The following METTL15 variants were observed in gnomAD, a reference collection of about 807,000 sequenced individuals.
The protein encoded by METTL15 is 12S rRNA N(4)-cytidine methyltransferase METTL15.
METTL15 carries 34 observed loss-of-function variants against 38.3 expected under a neutral mutation model. The observed-to-expected ratio is 0.89, with a 90% CI of 0.68 to 1.18. METTL15 has a LOEUF of 1.18. Ranked by LOEUF, METTL15 falls within the 50% of genes most tolerant of loss-of-function variation. METTL15 has a pLI of 0.00. For synonymous variants in METTL15, 162 were observed against 170.9 expected, an observed-to-expected ratio of 0.95 and a Z score of 0.41; for missense variants, 438 against 498.4, an observed-to-expected ratio of 0.88 and a Z score of 1.15.
intron 4 of METTL15, among the ~76,000 whole-genome samples, chr11:28,237,697 C>T (rs925664043): frequency 6.6e-6 from 1 of 152,150 alleles, no homozygotes; most frequent in Non-Finnish European, 1.5e-5. Flanking sequence ...AGAGTTTCCA[C>T]TTTTTCTGCT....
chr11:28,444,086 T>C (rs1311132101), intron 6 of METTL15, among the ~76,000 whole-genome samples: 1 of 152,200 alleles, frequency 6.6e-6, no homozygotes, highest in Admixed American at 6.5e-5. Flanking sequence ...TACACCATGA[T>C]TTGTTTATGC....
chr11:28,339,208 A>G lies in METTL15; in HGVS notation c.*190-12882A>G, dbSNP rs893781374. ...TTCTAGTTCTAAAATAATTTCTGTA[A>G]TTGTTCATATTTATTGTCTATCACT... On this transcript the variant is annotated intron_variant and NMD_transcript_variant, in intron 3 of 7. Transcript: ENST00000532947. Among the ~76,000 whole-genome samples, 6 of 152,074 alleles carry G rather than the reference A, an allele frequency of 3.9e-5. No homozygotes were observed. In the East Asian group the frequency reaches 9.6e-4, roughly 24 times the overall value.
At chr11:28,112,847 T>C (rs1851774666) in intron 2 of METTL15, among the ~76,000 whole-genome samples, 1 of 152,154 alleles carries the variant, frequency 6.6e-6, no homozygotes, top group South Asian at 2.1e-4. Context: ...GAATTTAGCA[T>C]TGTGAGAAAA....
At chr11:28,266,532 C>T (rs1855425915) in intron 4 of METTL15, among the ~76,000 whole-genome samples, 1 of 152,182 alleles carries the variant, frequency 6.6e-6, no homozygotes, top group South Asian at 2.1e-4. Flanking sequence ...TACTTATCTA[C>T]CGCTTTTCTC....
chr11:28,322,289 C>T (rs1335543487), intron 6 of METTL15, among the ~76,000 whole-genome samples: 1 of 151,860 alleles, frequency 6.6e-6, no homozygotes, highest in Admixed American at 6.6e-5. Flanking sequence ...GGTTAATATC[C>T]TTATTTTATA....
At chr11:28,310,898 GCTGCTGCTGCTGCTGC>G in intron 6 of METTL15, among the ~76,000 whole-genome samples, 2 of 96,158 alleles carry the variant, frequency 2.1e-5, no homozygotes, top group Non-Finnish European at 4.7e-5. Flanking sequence ...TGCTGCTGCT[GCTGCTGCTGCTGCTGC>G]TGGTGGTGGT....
chr11:28,225,565 TG>T (rs1183085100), intron 4 of METTL15, among the ~76,000 whole-genome samples: 1 of 151,782 alleles, frequency 6.6e-6, no homozygotes, highest in Non-Finnish European at 1.5e-5. Context: ...TTTTTATTTC[TG>T]TTTCTTGGAA....
At chr11:28,479,097 TTGCTTTTGTAATGTTATAAAATTCCA>T (rs1323061723) in intron 6 of METTL15, among the ~76,000 whole-genome samples, 13 of 147,542 alleles carry the variant, frequency 8.8e-5, no homozygotes, top group African/African-American at 3.3e-4. Flanking sequence ...GTGTGTGTGT[TTGCTTTTGTAATGTTATAAAATTCCA>T]GCCATGATCA....
At chr11:28,275,661 A>G (rs943377887) in intron 4 of METTL15, among the ~76,000 whole-genome samples, 11 of 148,882 alleles carry the variant, frequency 7.4e-5, no homozygotes, top group Non-Finnish European at 1.3e-4. Context: ...AAAAAAGTCT[A>G]CAGGCCAGTA....
chr11:28,345,460 G>C (rs1229193326), intron 3 of METTL15, among the ~76,000 whole-genome samples: 1 of 152,164 alleles, frequency 6.6e-6, no homozygotes, highest in South Asian at 2.1e-4. Context: ...AAAGTGCTGG[G>C]ATTGCAGGTG....
chr11:28,291,050 CTTTTTTT>C (rs1313497959), intron 5 of METTL15, among the ~76,000 whole-genome samples: 1 of 133,650 alleles, frequency 7.5e-6, no homozygotes, highest in African/African-American at 2.8e-5. Context: ...TAATTCTTTT[CTTTTTTT>C]TTTTTTTTTT....
intron 4 of METTL15, among the ~76,000 whole-genome samples, chr11:28,245,147 C>G (rs1854458681): frequency 6.6e-6 from 1 of 152,192 alleles, no homozygotes; most frequent in South Asian, 2.1e-4. Flanking sequence ...TTAAAAATTA[C>G]AGACAATGGA....
chr11:28,315,197 TC>T (rs1857436865), intron 6 of METTL15, among the ~76,000 whole-genome samples: 2 of 152,246 alleles, frequency 1.3e-5, no homozygotes, highest in South Asian at 4.1e-4. Flanking sequence ...GTTTGGAACT[TC>T]CTAGAGCCTT....
chr11:28,267,779 T>C (rs578041064), intron 4 of METTL15, among the ~76,000 whole-genome samples: 7 of 152,354 alleles, frequency 4.6e-5, no homozygotes, highest in Non-Finnish European at 1.0e-4. Flanking sequence ...TTTACACATA[T>C]ACATCTCCTG....
At chr11:28,471,593 C>T (rs1851303637) in intron 6 of METTL15, among the ~76,000 whole-genome samples, 1 of 152,026 alleles carries the variant, frequency 6.6e-6, no homozygotes, top group African/African-American at 2.4e-5. Context: ...CTTCCAGCTC[C>T]CCCATCATGC....
chr11:28,169,939 G>T (rs1481482056), intron 3 of METTL15, among the ~76,000 whole-genome samples: 1 of 152,088 alleles, frequency 6.6e-6, no homozygotes, highest in Non-Finnish European at 1.5e-5. Flanking sequence ...ATTTACTAAT[G>T]ATTTTCTTCT....
rs546057534 is a variant in METTL15, at chr11:28,113,491, C to G, written c.157C>G (p.Gln53Glu). The G allele has an allele frequency of 1.9e-6, 3 of 1,612,968 alleles. No individual in the cohort carries two copies. The highest frequency in any genetic ancestry group is 1.7e-5 in the Admixed American group (1 of 60,006). ...AGCCCGGGAGCAAACAGATCAAACT[C>G]AAGCCCAGGAGTTACACAGATCTCA... Reference protein sequence around the residue: ...YEAREQTDQTQAQELHRSQDR... With the variant: ...YEAREQTDQTEAQELHRSQDR... The change falls in exon 3 of 7, where the codon CAA (glutamine) becomes GAA (glutamate). Residue 53 changes from glutamine (Q) to glutamate (E), a missense_variant. Transcript: ENST00000407364.
chr11:28,148,885 G>A (rs182782312), intron 3 of METTL15, among the ~76,000 whole-genome samples: 1 of 151,886 alleles, frequency 6.6e-6, no homozygotes, highest in African/African-American at 2.4e-5. Flanking sequence ...TATATTCTGT[G>A]TTTTTAAACA....
chr11:28,162,658 C>G (rs545632502), intron 3 of METTL15, among the ~76,000 whole-genome samples: 3 of 152,202 alleles, frequency 2.0e-5, no homozygotes, highest in Admixed American at 6.5e-5. Context: ...CTTAACCTAG[C>G]CTACCTTATA....
Sources: gnomAD v4.1 joint callset for allele counts (sites outside exome capture counted in the v4.1 genomes callset) on GRCh38, gnomAD v4.1.1 for gene constraint, MANE v1.5 for transcripts, NCBI Gene and HGNC (gene_info 2026-07-23, HGNC 2026-07-21) for gene names.